Variants in BST1 observed in about 807,000 individuals in gnomAD.
The protein encoded by BST1 is ADP-ribosyl cyclase/cyclic ADP-ribose hydrolase 2.
Under a neutral mutation model 40.6 loss-of-function variants are expected in BST1, and 49 were observed. That is an observed-to-expected ratio of 1.21 (90% CI 0.96 to 1.53). BST1 has a LOEUF of 1.53. Ranked by LOEUF, BST1 falls within the 40% of genes most tolerant of loss-of-function variation. The pLI is 0.00. For missense variants in BST1, 423 were observed against 395.9 expected (o/e 1.07, Z -0.58); for synonymous variants, 157 against 159.3 (o/e 0.99, Z 0.11).
rs767816367 is a variant in BST1 at position 15,715,756 on chromosome 4, C to T, written c.661C>T (p.Arg221Ter). ...IPNLQKEKIT[R>*]IEIWVMHEIG... ...AAACCTCCAGAAGGAAAAAATTACACGAATCGAGATCTGGGTTATGCATGA... is the reference window on the plus strand; with the variant it reads ...AAACCTCCAGAAGGAAAAAATTACATGAATCGAGATCTGGGTTATGCATGA... Residue 221 changes from arginine (R) to a stop codon, truncating the protein, a stop_gained, in exon 6 of 9, where the codon CGA (arginine) becomes TGA (stop). Coordinates refer to ENST00000265016, the MANE Select transcript of BST1 (RefSeq NM_004334.3). LOFTEE classifies it high-confidence loss of function. 18 of 1,598,844 alleles carry T rather than the reference C, an allele frequency of 1.1e-5. No individual in the cohort carries two copies. Among genetic ancestry groups the T allele is most frequent in the African/African-American group, 4.1e-5 (3 of 74,068 alleles).
chr4:15,773,749 G>A, the BST1 span, among the ~76,000 whole-genome samples: 10 of 152,154 alleles, frequency 6.6e-5, no homozygotes. Flanking sequence ...TGAGCCACGG[G>A]CTCAGCACTG....
At chr4:15,704,152 G>A (rs1290066742) in intron 1 of BST1, among the ~76,000 whole-genome samples, 1 of 141,412 alleles carries the variant, frequency 7.1e-6, no homozygotes, top group Non-Finnish European at 1.5e-5. Flanking sequence ...CTAGAGGTGA[G>A]GGATGTGTGT....
the BST1 span, among the ~76,000 whole-genome samples, chr4:15,767,178 A>G: frequency 6.6e-6 from 1 of 152,334 alleles, no homozygotes; most frequent in East Asian, 1.9e-4. Context: ...AACCCTGCAG[A>G]AAATGGATAT....
chr4:15,738,072 G>T (rs1047044739), exon 7 of BST1: 2 of 259,114 alleles, frequency 7.7e-6, no homozygotes, highest in African/African-American at 2.2e-5. Flanking sequence ...ACCTACAGAA[G>T]GTACAACACC....
chr4:15,764,040 T>C, the BST1 span, among the ~76,000 whole-genome samples: 1 of 152,032 alleles, frequency 6.6e-6, no homozygotes, highest in African/African-American at 2.4e-5. Flanking sequence ...AGCGCTAATG[T>C]AAACTATGGG....
the BST1 span, among the ~76,000 whole-genome samples, chr4:15,746,928 C>T: frequency 6.6e-6 from 1 of 152,178 alleles, no homozygotes; most frequent in African/African-American, 2.4e-5. Context: ...GGTCTTGTAG[C>T]AGTGACAGCT....
At chr4:15,726,869 ATT>A (rs58317518) in intron 8 of BST1, among the ~76,000 whole-genome samples, 211 of 129,564 alleles carry the variant, frequency 1.6e-3, no homozygotes, top group East Asian at 9.0e-3. Context: ...TTTCCTCGGT[ATT>A]TTTTTTTTTT....
downstream of BST1, chr4:15,737,684 GT>G: frequency 1.3e-6 from 1 of 793,130 alleles, no homozygotes; most frequent in Non-Finnish European, 1.8e-6. Context: ...GAAGAACTGA[GT>G]TCTCTTTCCT....
chr4:15,734,225 T>G (rs1721483639), downstream of BST1, among the ~76,000 whole-genome samples: 1 of 152,168 alleles, frequency 6.6e-6, no homozygotes, highest in Admixed American at 6.5e-5. Context: ...AAAGTGACAC[T>G]GAGAAAAATT....
downstream of BST1, among the ~76,000 whole-genome samples, chr4:15,740,525 G>A (rs1275690791): frequency 6.6e-6 from 1 of 152,138 alleles, no homozygotes; most frequent in Non-Finnish European, 1.5e-5. Flanking sequence ...TTAGCCAGAT[G>A]AGAGGTGAAG....
intron 4 of BST1, among the ~76,000 whole-genome samples, chr4:15,712,619 T>C (rs1416422812): frequency 2.0e-5 from 3 of 152,196 alleles, no homozygotes; most frequent in Non-Finnish European, 4.4e-5. Context: ...TCTTTTTCAG[T>C]CCCATCTTCT....
the BST1 span, among the ~76,000 whole-genome samples, chr4:15,759,124 T>A: frequency 1.3e-5 from 2 of 151,918 alleles, no homozygotes; most frequent in African/African-American, 2.4e-5. Flanking sequence ...TCAAAAACTA[T>A]CTCCTGGTGT....
At chr4:15,728,629 C>CCCTT (rs1207175340) in intron 8 of BST1, among the ~76,000 whole-genome samples, 1 of 147,210 alleles carries the variant, frequency 6.8e-6, no homozygotes. Flanking sequence ...ATTTTCTTTT[C>CCCTT]CCTTCCTTCC....
the BST1 span, among the ~76,000 whole-genome samples, chr4:15,745,119 G>GA: frequency 1.3e-5 from 2 of 152,054 alleles, no homozygotes; most frequent in African/African-American, 4.8e-5. Context: ...GATCAATAAA[G>GA]AAGTTGCAAA....
At chr4:15,719,067 G>A (rs560382910) in intron 7 of BST1, 74 bp downstream of exon 7, 4 of 1,327,468 alleles carry the variant, frequency 3.0e-6, no homozygotes, top group African/African-American at 1.5e-5. Flanking sequence ...TGCCGAAAGG[G>A]TATTGATGGC....
At chr4:15,767,032 A>G in the BST1 span, among the ~76,000 whole-genome samples, 66 of 152,026 alleles carry the variant, frequency 4.3e-4, no homozygotes, top group Admixed American at 4.1e-3. Flanking sequence ...AAGGTGAAGC[A>G]TGAACCACAT....
chr4:15,753,804 G>A, the BST1 span, among the ~76,000 whole-genome samples: 3 of 152,210 alleles, frequency 2.0e-5, no homozygotes, highest in Non-Finnish European at 4.4e-5. Context: ...GCAAACCATT[G>A]ATGTGTACAG....
At chr4:15,725,828 A>C (rs1721063318) in intron 8 of BST1, among the ~76,000 whole-genome samples, 4 of 152,098 alleles carry the variant, frequency 2.6e-5, no homozygotes. Flanking sequence ...CCCTGATCTC[A>C]ATATTTAAAA....
At chr4:15,733,617 C>G (rs933542515), downstream of BST1, among the ~76,000 whole-genome samples, 4 of 152,176 alleles carry the variant, frequency 2.6e-5, no homozygotes, top group Admixed American at 2.6e-4. Flanking sequence ...AGGAAACTTA[C>G]GATCATCATG....
Sources: allele counts gnomAD v4.1 joint callset (sites outside exome capture counted in the v4.1 genomes callset), GRCh38; gene constraint gnomAD v4.1.1; transcripts MANE v1.5; gene names NCBI Gene and HGNC (gene_info 2026-07-23, HGNC 2026-07-21).